The following TNS3 variants were observed in gnomAD, a reference collection of about 807,000 sequenced individuals.
The protein encoded by TNS3 is tensin 3, also known as tensin-3.
In TNS3, 45 loss-of-function variants were observed where a neutral mutation model predicts 140.9. That is an observed-to-expected ratio of 0.32 (90% CI 0.25 to 0.41). The LOEUF (loss-of-function observed/expected upper bound fraction) is 0.41, where lower values mean the gene tolerates loss of function less well. Among genes scored for constraint, TNS3 ranks in the 10% least tolerant of loss-of-function variants. TNS3 has a pLI of 1.00. For missense variants in TNS3, 1,716 were observed against 1,906.7 expected, an observed-to-expected ratio of 0.90 and a Z score of 1.86; for synonymous variants, 815 against 788.4, an observed-to-expected ratio of 1.03 and a Z score of -0.56.
intron 2 of TNS3, among the ~76,000 whole-genome samples, chr7:47,511,368 C>CA (rs927646954): frequency 6.5e-4 from 97 of 149,578 alleles, no homozygotes; most frequent in African/African-American, 2.0e-3. Flanking sequence ...AACAGAATCA[C>CA]AAAAAAAAAT....
intron 10 of TNS3, among the ~76,000 whole-genome samples, chr7:47,423,448 A>AC: frequency 6.6e-6 from 1 of 152,242 alleles, no homozygotes; most frequent in South Asian, 2.1e-4. Flanking sequence ...AAAGTTCTGC[A>AC]CCCCACCATG....
At position 47,369,316 on chromosome 7, in the gene TNS3, T is replaced by C. The variant is rs750016190; in HGVS notation, c.1330A>G (p.Met444Val). 15 of 1,614,124 alleles carry C rather than the reference T, an allele frequency of 9.3e-6. No individual in the cohort carries two copies. In the South Asian group the frequency reaches 1.3e-4, roughly 14 times the overall value. The stretch of plus-strand genomic sequence containing the variant: ...CTGTACTTGCTTCGAGCATCAGTCA[T>C]TTCCTTGAGGGAGCTTCCAGGATCT... Reference protein sequence around the residue: ...LEDPGSSLKEMTDARSKYSGT... With the variant: ...LEDPGSSLKEVTDARSKYSGT... The change falls in exon 17 of 31, where the codon ATG (methionine) becomes GTG (valine). Residue 444 changes from methionine to valine, a missense_variant. Met to Val is a conservative substitution (Grantham distance 21, BLOSUM62 1). Around this residue, in one of 3 missense-constraint regions of TNS3, gnomAD observed 1,163 missense variants for 1,182.1 expected, o/e 0.98. Coordinates refer to ENST00000311160, the MANE Select transcript of TNS3 (RefSeq NM_022748.12).
Position 47,368,663 on chromosome 7 carries a change from G to C in TNS3, c.1983C>G (p.Pro661=). Residue 661 remains proline (P), a synonymous_variant, in exon 17 of 31, where the codon CCC becomes CCG. Transcript: ENST00000311160. ...PHPPDTQQPS[P]SKAFKPRFPG... ...GAAACCTGGGTTTGAACGCTTTGCT[G>C]GGAGAGGGCTGCTGTGTGTCAGGGG... 1 of 1,600,996 alleles carries C rather than the reference G, an allele frequency of 6.2e-7. No homozygotes were observed. Among genetic ancestry groups the C allele is most frequent in the Non-Finnish European group, 8.5e-7 (1 of 1,173,938 alleles).
chr7:47,417,619 T>C (rs1159069134), intron 10 of TNS3, among the ~76,000 whole-genome samples: 1 of 152,252 alleles, frequency 6.6e-6, no homozygotes, highest in Non-Finnish European at 1.5e-5. Context: ...TCTTGGAATA[T>C]AATTCTCATC....
intron 7 of TNS3, among the ~76,000 whole-genome samples, chr7:47,435,916 C>T (rs1348551347): frequency 2.0e-5 from 3 of 152,202 alleles, no homozygotes; most frequent in African/African-American, 7.2e-5. Flanking sequence ...CAAAGAAAAT[C>T]ACCACCATGT....
At chr7:47,574,854 G>A (rs116881607) in intron 1 of TNS3, among the ~76,000 whole-genome samples, 2 of 152,286 alleles carry the variant, frequency 1.3e-5, no homozygotes, top group East Asian at 1.9e-4. Context: ...CAGGGACTGG[G>A]GGGAGGGGAA....
intron 1 of TNS3, among the ~76,000 whole-genome samples, chr7:47,555,530 A>G (rs1261358742): frequency 2.6e-5 from 4 of 152,256 alleles, no homozygotes; most frequent in Non-Finnish European, 5.9e-5. Flanking sequence ...ATTAAACACC[A>G]TCACATGCTA....
At chr7:47,517,356 A>T (rs1798812227) in intron 2 of TNS3, among the ~76,000 whole-genome samples, 1 of 152,176 alleles carries the variant, frequency 6.6e-6, no homozygotes, top group African/African-American at 2.4e-5. Context: ...CCTAGAGGAA[A>T]GGTGTCATTA....
intron 18 of TNS3, 73 bp from the exon 19 acceptor site, chr7:47,345,111 T>A: frequency 1.6e-6 from 2 of 1,269,222 alleles, no homozygotes; most frequent in Non-Finnish European, 2.3e-6. Context: ...GTTGTGGTTG[T>A]GGCTCCCCCA....
At chr7:47,563,901 T>C (rs1800367692) in intron 1 of TNS3, among the ~76,000 whole-genome samples, 1 of 152,086 alleles carries the variant, frequency 6.6e-6, no homozygotes, top group African/African-American at 2.4e-5. Context: ...TTACATATGA[T>C]TAACATTTAA....
In TNS3 at chr7:47,466,988, G is replaced by A. The variant is rs78512063; in HGVS notation, c.-76+14115C>T. 1.9e-3 allele frequency among the ~76,000 whole-genome samples: 294 copies of A among 152,306 alleles called. 2 individuals carry two copies. The highest frequency in any genetic ancestry group is 6.8e-3 in the African/African-American group (283 of 41,576). On this transcript the variant is annotated intron_variant, in intron 4 of 30. Transcript: ENST00000311160. The stretch of plus-strand genomic sequence containing the variant: ...CCAAAGGTAACTAGGGAGTGCTGTG[G>A]TGATGACGGTGGTAATGGTGGTGAT...
chr7:47,414,799 G>C (rs547972294), intron 11 of TNS3, among the ~76,000 whole-genome samples: 20 of 152,306 alleles, frequency 1.3e-4, no homozygotes, highest in African/African-American at 4.8e-4. Context: ...GACCCACTAG[G>C]GCTGCAGCCC....
At chr7:47,538,592 A>G (rs1201359075) in intron 1 of TNS3, among the ~76,000 whole-genome samples, 2 of 152,196 alleles carry the variant, frequency 1.3e-5, no homozygotes, top group Non-Finnish European at 2.9e-5. Context: ...CCAGCCATCA[A>G]TTCAACTGGC....
intron 2 of TNS3, among the ~76,000 whole-genome samples, chr7:47,525,787 T>C (rs1799169390): frequency 6.6e-6 from 1 of 152,220 alleles, no homozygotes; most frequent in Non-Finnish European, 1.5e-5. Flanking sequence ...CACATAGCCA[T>C]GCATATGTGC....
intron 1 of TNS3, among the ~76,000 whole-genome samples, chr7:47,541,107 G>A (rs112733411): frequency 0.026 from 3,957 of 152,258 alleles, 195 homozygotes; most frequent in African/African-American, 0.09. Flanking sequence ...ACAGGGGAGA[G>A]GACGGCCATA....
At chr7:47,533,172 G>A (rs11772938) in intron 1 of TNS3, among the ~76,000 whole-genome samples, 46,681 of 120,822 alleles carry the variant, frequency 0.39, 9,366 homozygotes, top group Middle Eastern at 0.57. Context: ...TCGCTCTGTC[G>A]CCCACACTGG....
At chr7:47,445,132 AG>A (rs1490484089) in intron 4 of TNS3, among the ~76,000 whole-genome samples, 2 of 152,196 alleles carry the variant, frequency 1.3e-5, no homozygotes, top group African/African-American at 4.8e-5. Flanking sequence ...AGCACAGCTC[AG>A]GGCCACCCTC....
intron 20 of TNS3, among the ~76,000 whole-genome samples, chr7:47,318,222 G>T (rs1787524833): frequency 6.6e-6 from 1 of 152,190 alleles, no homozygotes; most frequent in Non-Finnish European, 1.5e-5. Flanking sequence ...TGAACACAAT[G>T]TCCCTGAAGT....
At chr7:47,522,023 A>G (rs1207090200) in intron 2 of TNS3, among the ~76,000 whole-genome samples, 1 of 152,110 alleles carries the variant, frequency 6.6e-6, no homozygotes, top group East Asian at 1.9e-4. Context: ...CTCCAGGAAG[A>G]AGGCCAGCAA....
Sources: gnomAD v4.1 joint callset for allele counts (sites outside exome capture counted in the v4.1 genomes callset) on GRCh38, gnomAD v4.1.1 for gene constraint, gnomAD v4.1.1 regional missense constraint, MANE v1.5 for transcripts, NCBI Gene and HGNC (gene_info 2026-07-23, HGNC 2026-07-21) for gene names.